The following RPTOR variants were observed in gnomAD, a reference collection of about 807,000 sequenced individuals.
RPTOR encodes regulatory-associated protein of mTOR.
Under a neutral mutation model 169.9 loss-of-function variants are expected in RPTOR, and 21 were observed. That is an observed-to-expected ratio of 0.12 (90% CI 0.09 to 0.18). The LOEUF (loss-of-function observed/expected upper bound fraction) is 0.18, where lower values mean the gene tolerates loss of function less well. Among genes scored for constraint, RPTOR ranks in the 10% least tolerant of loss-of-function variants. The probability of loss-of-function intolerance (pLI) is 1.00; values close to 1 mark genes in which losing one functional copy is unlikely to be tolerated. For missense variants in RPTOR, 1,133 were observed against 1,855.9 expected, an observed-to-expected ratio of 0.61 and a Z score of 7.16; for synonymous variants, 732 against 753.2, an observed-to-expected ratio of 0.97 and a Z score of 0.46.
At chr17:80,673,250 C>T (rs146098408) in intron 3 of RPTOR, among the ~76,000 whole-genome samples, 3 of 152,266 alleles carry the variant, frequency 2.0e-5, no homozygotes, top group Non-Finnish European at 2.9e-5. Context: ...AGGAAAAATA[C>T]GTTTCCTGTA....
At chr17:80,838,099 C>T (rs995854482) in intron 10 of RPTOR, 102 bp downstream of exon 10, 12 of 923,328 alleles carry the variant, frequency 1.3e-5, no homozygotes, top group Middle Eastern at 2.9e-4. Context: ...CCAGGACTCT[C>T]GGGTGTCAGA....
At chr17:80,736,696 C>G (rs1043173118) in intron 5 of RPTOR, among the ~76,000 whole-genome samples, 4 of 152,196 alleles carry the variant, frequency 2.6e-5, no homozygotes, top group Admixed American at 2.6e-4. Flanking sequence ...TGGAATTCTG[C>G]AGCAAAAGGC....
Position 80,651,535 on chromosome 17 carries a change from AT to A in RPTOR, c.348+7732del, listed in dbSNP as rs11421875. Among the ~76,000 whole-genome samples, 2 of 151,870 alleles carry A rather than the reference AT, an allele frequency of 1.3e-5. No individual in the cohort carries two copies. On this transcript the variant is annotated intron_variant, in intron 3 of 33. Transcript: ENST00000306801. The surrounding 1 kb of genome is among the most constrained non-coding windows in gnomAD (Gnocchi z 4.1). ...CTTGTTGGTATGACACATAATGGAG[AT>A]TTTTTTAAAATGGACATACGAAGCA...
At chr17:80,862,188 C>T (rs970951288) in intron 13 of RPTOR, among the ~76,000 whole-genome samples, 1 of 152,164 alleles carries the variant, frequency 6.6e-6, no homozygotes, top group Non-Finnish European at 1.5e-5. Flanking sequence ...GTTCTTGTAA[C>T]TGCCTGCAGG....
chr17:80,715,419 T>G (rs2066231364), intron 4 of RPTOR, among the ~76,000 whole-genome samples: 1 of 152,226 alleles, frequency 6.6e-6, no homozygotes, highest in South Asian at 2.1e-4. Context: ...ATCAATCGGC[T>G]TCTTTCCAAG....
At chr17:80,858,459 C>T (rs922620743) in intron 13 of RPTOR, among the ~76,000 whole-genome samples, 1 of 152,234 alleles carries the variant, frequency 6.6e-6, no homozygotes, top group Non-Finnish European at 1.5e-5. Context: ...GCCATGTGTT[C>T]GCCCCTCAAT....
At chr17:80,750,035 A>C (rs996910282) in intron 5 of RPTOR, among the ~76,000 whole-genome samples, 4 of 151,272 alleles carry the variant, frequency 2.6e-5, no homozygotes, top group Admixed American at 2.0e-4. Flanking sequence ...AAAATTTTGG[A>C]GTGATGGGGT....
chr17:80,836,894 A>G (rs745638303), intron 9 of RPTOR, among the ~76,000 whole-genome samples: 3 of 152,102 alleles, frequency 2.0e-5, no homozygotes, highest in Non-Finnish European at 4.4e-5. Context: ...CTGTTCCTAC[A>G]GTAGAATTGG....
rs1473532033 is a variant in RPTOR, at chr17:80,927,176, CA to C, written c.2919+1697del. On this transcript the variant is annotated intron_variant, in intron 24 of 33. Coordinates refer to ENST00000306801, the MANE Select transcript of RPTOR (RefSeq NM_020761.3). ...GCTGGGAGGTGGCTGGACACTGTGC[CA>C]GGGGTGCCAGGCCGTCCTCTAGAAC... 5.3e-5 allele frequency among the ~76,000 whole-genome samples: 8 copies of C among 152,218 alleles called. No homozygotes were observed. In the East Asian group the frequency reaches 1.2e-3, roughly 22 times the overall value.
intron 7 of RPTOR, among the ~76,000 whole-genome samples, chr17:80,817,078 G>A (rs1053673240): frequency 6.6e-6 from 1 of 152,226 alleles, no homozygotes; most frequent in Non-Finnish European, 1.5e-5. Context: ...CTTGGCAGGT[G>A]GGTGACTTGG....
chr17:80,836,025 C>G (rs1222282873), intron 9 of RPTOR, among the ~76,000 whole-genome samples: 2 of 152,150 alleles, frequency 1.3e-5, no homozygotes, highest in Non-Finnish European at 2.9e-5. Flanking sequence ...GAGGCATGAT[C>G]ATAAGCCCAT....
chr17:80,930,420 TCAGC>T (rs2068878051), intron 24 of RPTOR, among the ~76,000 whole-genome samples: 1 of 1,546 alleles, frequency 6.5e-4, no homozygotes, highest in African/African-American at 2.3e-3. Context: ...CAGCTCATCC[TCAGC>T]TCATCCTCAT....
intron 1 of RPTOR, among the ~76,000 whole-genome samples, chr17:80,578,297 A>T (rs539947540): frequency 2.2e-4 from 33 of 152,258 alleles, no homozygotes; most frequent in African/African-American, 7.9e-4. Flanking sequence ...CAAGGGAGGA[A>T]ATTGAAGGCT....
chr17:80,836,662 C>T (rs1006298757), intron 9 of RPTOR, among the ~76,000 whole-genome samples: 1 of 152,124 alleles, frequency 6.6e-6, no homozygotes, highest in Non-Finnish European at 1.5e-5. Context: ...CTTAGGGGGG[C>T]TGTGTTAGAG....
chr17:80,709,815 A>G (rs1280845981), intron 4 of RPTOR, among the ~76,000 whole-genome samples: 1 of 151,974 alleles, frequency 6.6e-6, no homozygotes, highest in African/African-American at 2.4e-5. Context: ...CAAAGCGCCT[A>G]TCTGCTATCC....
At chr17:80,690,342 T>TATACACAC (rs2065980624) in intron 3 of RPTOR, among the ~76,000 whole-genome samples, 1 of 145,330 alleles carries the variant, frequency 6.9e-6, no homozygotes, top group South Asian at 2.1e-4. Context: ...CACACACACA[T>TATACACAC]ACACACACAC....
rs1005726986 is a variant in RPTOR at position 80,646,627 on chromosome 17, T to G, written c.348+2817T>G. Among the ~76,000 whole-genome samples the G allele has an allele frequency of 8.5e-5, 13 of 152,178 alleles. No homozygotes were observed. The highest frequency in any genetic ancestry group is 2.0e-4 in the Admixed American group (3 of 15,276). ...CATTGCAAGGCTAAACACGCACCAC[T>G]TGATTGCACTCTACAGGGCTCTTGA... On this transcript the variant is annotated intron_variant, in intron 3 of 33. Transcript: ENST00000306801. The surrounding 1 kb of genome is among the most constrained non-coding windows in gnomAD (Gnocchi z 5.0).
chr17:80,915,288 C>T (rs1405343145), intron 21 of RPTOR, among the ~76,000 whole-genome samples: 1 of 129,536 alleles, frequency 7.7e-6, no homozygotes, highest in Non-Finnish European at 1.7e-5. Context: ...ACTCCAGGGT[C>T]TCCTCTCTGC....
At chr17:80,918,845 C>A (rs896060836) in intron 21 of RPTOR, among the ~76,000 whole-genome samples, 2 of 152,146 alleles carry the variant, frequency 1.3e-5, no homozygotes, top group African/African-American at 4.8e-5. Context: ...GTGTCCTGTG[C>A]CGCCCAGGTG....
Sources: gnomAD v4.1 joint callset for allele counts (sites outside exome capture counted in the v4.1 genomes callset) on GRCh38, gnomAD v4.1.1 for gene constraint, Gnocchi (gnomAD v3.1) non-coding constraint, MANE v1.5 for transcripts, NCBI Gene and HGNC (gene_info 2026-07-23, HGNC 2026-07-21) for gene names.